Variants in CD36 observed in about 807,000 individuals in gnomAD.
CD36 encodes CD36 molecule (CD36 blood group).
In CD36, 119 loss-of-function variants were observed where a neutral mutation model predicts 55.2. The observed-to-expected ratio is 2.15, with a 90% CI of 1.86 to 2.51. CD36 has a LOEUF of 2.51. CD36 is among the 30% of genes most tolerant of loss of function. CD36 has a pLI of 0.00. For synonymous variants in CD36, 186 were observed against 193.6 expected (o/e 0.96, Z 0.33); for missense variants, 819 against 555.5 (o/e 1.47, Z -4.77).
rs371606864 is a variant in CD36 at position 80,628,832 on chromosome 7, C to T, written c.-183-17256C>T. On this transcript the variant is annotated intron_variant, in intron 1 of 13. Transcript: ENST00000309881. The stretch of plus-strand genomic sequence containing the variant: ...ATGGATTCAGTCTGGAAAGGTGAGA[C>T]AACACAAAGCAAACACAGGACAACT... Among the ~76,000 whole-genome samples, 73 of 152,106 alleles carry T rather than the reference C, an allele frequency of 4.8e-4. 3 individuals are homozygous for T. In the South Asian group the frequency reaches 0.015, roughly 31 times the overall value.
At chr7:80,628,616 C>T (rs545318966) in intron 1 of CD36, among the ~76,000 whole-genome samples, 2 of 152,080 alleles carry the variant, frequency 1.3e-5, no homozygotes, top group South Asian at 4.1e-4. Context: ...TTAAAAATAC[C>T]TGTGATCTAA....
At chr7:80,657,928 A>T (rs1189500725) in intron 4 of CD36, among the ~76,000 whole-genome samples, 1 of 152,122 alleles carries the variant, frequency 6.6e-6, no homozygotes, top group Non-Finnish European at 1.5e-5. Flanking sequence ...TGATTGTATA[A>T]TTTTCCTTCT....
intron 13 of CD36, 116 bp downstream of exon 13, chr7:80,673,525 T>TGGATGAGTATACATTTATTTAAC: frequency 1.4e-6 from 1 of 737,222 alleles, no homozygotes; most frequent in Non-Finnish European, 2.5e-6. Flanking sequence ...ATTACCCATA[T>TGGATGAGTATACATTTATTTAAC]GGATGAGTAT....
chr7:80,654,378 C>T (rs968070270), intron 3 of CD36, among the ~76,000 whole-genome samples: 14 of 152,006 alleles, frequency 9.2e-5, no homozygotes, highest in Admixed American at 6.6e-4. Context: ...TAATATGTAC[C>T]TTGAGAGGCA....
chr7:80,625,978 A>G (rs924297834), intron 1 of CD36, among the ~76,000 whole-genome samples: 10 of 152,156 alleles, frequency 6.6e-5, no homozygotes, highest in African/African-American at 1.4e-4. Context: ...ATGAGTATCA[A>G]TACAGGGGGG....
chr7:80,664,866 A>AC (rs397695650), intron 7 of CD36, among the ~76,000 whole-genome samples: 5 of 151,050 alleles, frequency 3.3e-5, no homozygotes, highest in African/African-American at 7.3e-5. Flanking sequence ...AAAAAAAAAA[A>AC]CAACACATCA....
chr7:80,669,040 A>G (rs536639002), intron 8 of CD36, among the ~76,000 whole-genome samples: 3 of 152,326 alleles, frequency 2.0e-5, no homozygotes, highest in African/African-American at 7.2e-5. Context: ...TATTTTTAGA[A>G]GTAGTAATCA....
At chr7:80,666,742 A>G (rs1482052945) in intron 8 of CD36, among the ~76,000 whole-genome samples, 2 of 152,260 alleles carry the variant, frequency 1.3e-5, no homozygotes, top group Admixed American at 6.5e-5. Flanking sequence ...TAAAAACTTT[A>G]CTGCCATCCT....
intron 1 of CD36, among the ~76,000 whole-genome samples, chr7:80,602,922 A>G (rs1014645324): frequency 2.0e-5 from 3 of 152,172 alleles, no homozygotes; most frequent in African/African-American, 7.2e-5. Flanking sequence ...ACAACTGACA[A>G]ATATATTTAA....
At chr7:80,674,722 C>T (rs2116927759) in intron 14 of CD36, among the ~76,000 whole-genome samples, 1 of 152,130 alleles carries the variant, frequency 6.6e-6, no homozygotes, top group Non-Finnish European at 1.5e-5. Flanking sequence ...CTGACCTTTC[C>T]TAAAGGAAAA....
chr7:80,665,413 C>CTCAAACTGAGTCTATCTAATGATTGCTTT (rs3211915), intron 7 of CD36, among the ~76,000 whole-genome samples: 44,124 of 150,806 alleles, frequency 0.29, 8,483 homozygotes, highest in Non-Finnish European at 0.44. Context: ...TAACCCCTAC[C>CTCAAACTGAGTCTATCTAATGATTGCTTT]TCAAACTGAG....
intron 1 of CD36, among the ~76,000 whole-genome samples, chr7:80,627,160 GT>G (rs1455022215): frequency 1.3e-5 from 2 of 151,920 alleles, no homozygotes; most frequent in Non-Finnish European, 2.9e-5. Context: ...TCTGACTCAG[GT>G]TTTTACAGGA....
At chr7:80,610,236 A>G (rs1792802559) in intron 1 of CD36, among the ~76,000 whole-genome samples, 1 of 152,164 alleles carries the variant, frequency 6.6e-6, no homozygotes, top group South Asian at 2.1e-4. Context: ...TGTCATTGTA[A>G]TTATCATCAT....
In CD36 at chr7:80,671,994, T is replaced by G. The variant is rs56381858; in HGVS notation, c.1079T>G (p.Leu360Ter). ...GATGTTTCAGAACCTATTGATGGATTAAACCCAAATGAAGAAGAACATAGG... is the reference window on the plus strand; with the variant it reads ...GATGTTTCAGAACCTATTGATGGATGAAACCCAAATGAAGAAGAACATAGG... ...SPDVSEPIDG[L>*]NPNEEEHRTY... The change falls in exon 11 of 15, where the codon TTA becomes TGA. Residue 360 changes from leucine to a stop codon, truncating the protein, a stop_gained. Transcript: ENST00000447544. LOFTEE classifies it high-confidence loss of function. 423 of 1,608,756 alleles carry G rather than the reference T, an allele frequency of 2.6e-4. 1 individual carries two copies. The Middle Eastern group carries it at 0.014, about 52-fold the overall frequency.
intron 1 of CD36, among the ~76,000 whole-genome samples, chr7:80,605,876 G>A (rs1792520337): frequency 6.6e-6 from 1 of 152,070 alleles, no homozygotes; most frequent in Non-Finnish European, 1.5e-5. Context: ...AGTGCAGAAA[G>A]GTATGAGCTG....
Position 80,658,968 on chromosome 7 carries a change from A to G in CD36, c.282-2095A>G, listed in dbSNP as rs150645029. Among the ~76,000 whole-genome samples the G allele has an allele frequency of 7.0e-4, 106 of 152,240 alleles. 1 individual carries two copies. The highest frequency in any genetic ancestry group is 1.3e-3 in the Non-Finnish European group (91 of 68,008). ...TATATTTGGTTTGCTTAGAGAGGCA[A>G]TGGAGCAAAGACTGGAGAAGAACAG... On this transcript the variant is annotated intron_variant, in intron 4 of 14. Transcript: ENST00000447544.
chr7:80,628,363 T>C (rs1376683931), intron 1 of CD36, among the ~76,000 whole-genome samples: 1 of 152,034 alleles, frequency 6.6e-6, no homozygotes, highest in Non-Finnish European at 1.5e-5. Flanking sequence ...AGATGATGAA[T>C]TGAGCTATTT....
intron 11 of CD36, 67 bp from the exon 12 acceptor site, chr7:80,672,703 A>ATAAG: frequency 9.1e-7 from 1 of 1,096,496 alleles, no homozygotes; most frequent in Non-Finnish European, 1.4e-6. Flanking sequence ...TGTAAGAAAA[A>ATAAG]TAAGTTTTGA....
intron 1 of CD36, among the ~76,000 whole-genome samples, chr7:80,610,521 C>A (rs10268417): frequency 0.4 from 61,258 of 151,612 alleles, 12,554 homozygotes; most frequent in African/African-American, 0.47. Context: ...CCTCTATCTT[C>A]TTTTGAACAT....
Sources: gnomAD v4.1 joint callset for allele counts (sites outside exome capture counted in the v4.1 genomes callset) on GRCh38, gnomAD v4.1.1 for gene constraint, MANE v1.5 for transcripts, NCBI Gene and HGNC (gene_info 2026-07-23, HGNC 2026-07-21) for gene names.